The following MCTP2 variants were observed in gnomAD, a reference collection of about 807,000 sequenced individuals.
MCTP2 encodes multiple C2 and transmembrane domain containing 2, also known as multiple C2 and transmembrane domain-containing protein 2.
Under a neutral mutation model 111.6 loss-of-function variants are expected in MCTP2, and 132 were observed. That is an observed-to-expected ratio of 1.18 (90% CI 1.03 to 1.37). The LOEUF (loss-of-function observed/expected upper bound fraction) is 1.37, where lower values mean the gene tolerates loss of function less well. MCTP2 is among the 40% of genes most tolerant of loss of function. The pLI is 0.00. For synonymous variants in MCTP2, 395 were observed against 387.7 expected (o/e 1.02, Z -0.22); for missense variants, 1,183 against 1,067.9 (o/e 1.11, Z -1.50).
chr15:94,279,733 T>C lies in MCTP2; in HGVS notation c.-65-18468T>C, dbSNP rs200090632. Among the ~76,000 whole-genome samples the C allele has an allele frequency of 4.6e-5, 7 of 152,328 alleles. No individual in the cohort carries two copies. The East Asian group carries it at 1.4e-3, about 29-fold the overall frequency. On this transcript the variant is annotated intron_variant, in intron 1 of 22. Transcript: ENST00000357742. ...GCTTCCAGGTTTTGCCTGTTCACTA[T>C]GATGCTGGCTGTGGGTTTGCTGCTC...
chr15:94,280,237 CGTAG>C (rs996091271), intron 1 of MCTP2, among the ~76,000 whole-genome samples: 10 of 151,766 alleles, frequency 6.6e-5, no homozygotes, highest in Non-Finnish European at 1.0e-4. Flanking sequence ...TTTCCTTTTT[CGTAG>C]GTTTTTAAAT....
intron 12 of MCTP2, among the ~76,000 whole-genome samples, chr15:94,376,226 G>A (rs779587291): frequency 2.0e-5 from 3 of 152,184 alleles, no homozygotes; most frequent in Non-Finnish European, 4.4e-5. Context: ...GATTTGAGCC[G>A]TAACTGCAGT....
At chr15:94,336,319 T>C (rs1355514597) in intron 4 of MCTP2, among the ~76,000 whole-genome samples, 1 of 152,184 alleles carries the variant, frequency 6.6e-6, no homozygotes, top group African/African-American at 2.4e-5. Flanking sequence ...CTGGAACTAA[T>C]CTTTCCCACC....
At chr15:94,338,302 T>G (rs1249554029) in intron 4 of MCTP2, among the ~76,000 whole-genome samples, 1 of 152,144 alleles carries the variant, frequency 6.6e-6, no homozygotes, top group Non-Finnish European at 1.5e-5. Flanking sequence ...AAATTAGATT[T>G]TCTTTCTTTG....
intron 8 of MCTP2, among the ~76,000 whole-genome samples, chr15:94,349,012 CATCT>C (rs1322373365): frequency 6.6e-6 from 1 of 152,058 alleles, no homozygotes; most frequent in Non-Finnish European, 1.5e-5. Flanking sequence ...TAATTTAGCT[CATCT>C]ATCTAATTTA....
chr15:94,428,433 C>T (rs573969572), intron 17 of MCTP2, among the ~76,000 whole-genome samples: 4 of 152,012 alleles, frequency 2.6e-5, no homozygotes, highest in African/African-American at 9.7e-5. Flanking sequence ...CCTCTTTTCC[C>T]CAGTTGTTTT....
rs1210670310 is a variant in MCTP2 at position 94,482,608 on chromosome 15, G to A, written c.*3574G>A. 6.6e-6 allele frequency: 1 copy of A among 152,146 alleles called. No homozygotes were observed. The highest frequency in any genetic ancestry group is 2.4e-5 in the African/African-American group (1 of 41,430). The allele number at this position is 152,146 out of a possible 1,614,324, so 9.4% of individuals were successfully genotyped here. The stretch of plus-strand genomic sequence containing the variant: ...CAAATAGGAATGTCAGCAAGGTAAT[G>A]GAATATATAGTTCTCAGAGAAGTAA... On this transcript the variant is annotated 3_prime_UTR_variant, in exon 23 of 23. Coordinates refer to ENST00000357742, the MANE Select transcript of MCTP2 (RefSeq NM_001385001.1).
chr15:94,358,750 C>T, intron 10 of MCTP2, 138 bp downstream of exon 10: 1 of 950,496 alleles, frequency 1.1e-6, no homozygotes. Flanking sequence ...GCTGGATGGC[C>T]AGTCCTAACT....
At chr15:94,268,431 A>G (rs2073715102) in intron 1 of MCTP2, among the ~76,000 whole-genome samples, 1 of 150,932 alleles carries the variant, frequency 6.6e-6, no homozygotes, top group Admixed American at 6.6e-5. Flanking sequence ...ACCTCAGGTG[A>G]TCCACCTGCC....
intron 1 of MCTP2, among the ~76,000 whole-genome samples, chr15:94,232,349 G>A (rs1460149305): frequency 6.6e-6 from 1 of 152,136 alleles, no homozygotes; most frequent in Non-Finnish European, 1.5e-5. Context: ...GATGCTGACT[G>A]AGGGTTTCAG....
At chr15:94,289,958 A>G (rs993630599) in intron 1 of MCTP2, among the ~76,000 whole-genome samples, 3 of 152,200 alleles carry the variant, frequency 2.0e-5, no homozygotes, top group African/African-American at 7.2e-5. Context: ...GGATGCATCA[A>G]TGAGAGAGAC....
intron 2 of MCTP2, among the ~76,000 whole-genome samples, chr15:94,308,506 A>G (rs1170029586): frequency 6.6e-6 from 1 of 152,180 alleles, no homozygotes; most frequent in African/African-American, 2.4e-5. Context: ...CCTCTTTGCC[A>G]ATTGGGGAGA....
chr15:94,256,111 AC>A (rs2072751967), intron 1 of MCTP2, among the ~76,000 whole-genome samples: 1 of 152,212 alleles, frequency 6.6e-6, no homozygotes, highest in African/African-American at 2.4e-5. Flanking sequence ...TTGAGTGCAG[AC>A]ATAATGACAC....
At chr15:94,368,918 A>G (rs1361366315) in intron 11 of MCTP2, among the ~76,000 whole-genome samples, 1 of 152,212 alleles carries the variant, frequency 6.6e-6, no homozygotes, top group African/African-American at 2.4e-5. Context: ...TGAAGAGGCT[A>G]TGGTCAAAGT....
In MCTP2 at chr15:94,483,689, C is replaced by T. The variant is rs2074837949; in HGVS notation, c.*4655C>T. The T allele has an allele frequency of 6.6e-6, 1 of 152,040 alleles. No individual in the cohort carries two copies. Among genetic ancestry groups the T allele is most frequent in the Admixed American group, 6.6e-5 (1 of 15,262 alleles). The allele number at this position is 152,040 out of a possible 1,614,324, so 9.4% of individuals were successfully genotyped here. On this transcript the variant is annotated 3_prime_UTR_variant, in exon 23 of 23. Transcript: ENST00000357742. ...TGGACATGTAGAAGGGAACAAAATACACTGGGGGCTATTGGAGGGTGAAGG... is the reference window on the plus strand; with the variant it reads ...TGGACATGTAGAAGGGAACAAAATATACTGGGGGCTATTGGAGGGTGAAGG...
intron 8 of MCTP2, among the ~76,000 whole-genome samples, chr15:94,351,581 G>A (rs1054712104): frequency 1.3e-5 from 2 of 152,076 alleles, no homozygotes. Flanking sequence ...CAGTCAAAAT[G>A]GGATTTATTG....
chr15:94,243,655 A>ACG lies in MCTP2; in HGVS notation c.-66+11992_-66+11993insGC, dbSNP rs1378844238. Among the ~76,000 whole-genome samples the ACG allele has an allele frequency of 3.4e-5, 5 of 148,242 alleles. No individual in the cohort carries two copies. In the East Asian group the frequency reaches 6.0e-4, roughly 18 times the overall value. On this transcript the variant is annotated intron_variant, in intron 1 of 22. Transcript: ENST00000357742. ...TGCGTATATACATATATATGTATAC[A>ACG]CATATGCGTATATATACACATATAT...
At chr15:94,450,124 G>C (rs932187194) in intron 19 of MCTP2, among the ~76,000 whole-genome samples, 1 of 151,338 alleles carries the variant, frequency 6.6e-6, no homozygotes, top group African/African-American at 2.4e-5. Flanking sequence ...ACAAAAAAAA[G>C]TGTTGGTAAA....
At chr15:94,264,496 C>T (rs962613468) in intron 1 of MCTP2, among the ~76,000 whole-genome samples, 2 of 151,986 alleles carry the variant, frequency 1.3e-5, no homozygotes, top group African/African-American at 4.8e-5. Context: ...GTAGTCCCAG[C>T]TACTCGGGAG....
Sources: gnomAD v4.1 joint callset for allele counts (sites outside exome capture counted in the v4.1 genomes callset) on GRCh38, gnomAD v4.1.1 for gene constraint, MANE v1.5 for transcripts, NCBI Gene and HGNC (gene_info 2026-07-23, HGNC 2026-07-21) for gene names.